Variants in MACROD1 observed in about 807,000 individuals in gnomAD.
MACROD1 encodes the protein mono-ADP ribosylhydrolase 1.
MACROD1 carries 31 observed loss-of-function variants against 41.4 expected under a neutral mutation model. The ratio of observed to expected loss-of-function variants is 0.75; its 90% CI spans 0.56 to 1.01. The LOEUF is 1.01. Among genes scored for constraint, MACROD1 ranks in the 50% least tolerant of loss-of-function variants. The pLI is 0.00. For missense variants in MACROD1, 473 were observed against 460.0 expected, an observed-to-expected ratio of 1.03 and a Z score of -0.26; for synonymous variants, 252 against 203.4, an observed-to-expected ratio of 1.24 and a Z score of -2.03.
chr11:64,157,719 G>A (rs796721377), intron 1 of MACROD1, among the ~76,000 whole-genome samples: 20 of 152,308 alleles, frequency 1.3e-4, no homozygotes, highest in African/African-American at 4.6e-4. Flanking sequence ...GTTTTAAGAA[G>A]TGTCTTTATG....
intron 3 of MACROD1, among the ~76,000 whole-genome samples, chr11:64,084,668 G>T (rs543284268): frequency 6.6e-6 from 1 of 152,360 alleles, no homozygotes; most frequent in East Asian, 1.9e-4. Context: ...TGATGGGCAG[G>T]TTGGGCAGGG....
intron 2 of MACROD1, 80 bp from the exon 3 acceptor site, chr11:64,151,435 C>A (rs904469559): frequency 1.9e-6 from 2 of 1,032,428 alleles, no homozygotes; most frequent in Non-Finnish European, 3.0e-6. Context: ...GGGGCCAGGG[C>A]CTTCCCTATC....
At chr11:64,137,280 G>A (rs1342978135) in intron 3 of MACROD1, among the ~76,000 whole-genome samples, 3 of 152,166 alleles carry the variant, frequency 2.0e-5, no homozygotes, top group Admixed American at 2.0e-4. Flanking sequence ...GGCAGCGGCG[G>A]GGGGGTCTCC....
At chr11:64,085,383 C>T (rs879722864) in intron 3 of MACROD1, among the ~76,000 whole-genome samples, 1 of 152,192 alleles carries the variant, frequency 6.6e-6, no homozygotes, top group Admixed American at 6.5e-5. Context: ...TCTCTGGGGG[C>T]GGCGGGCTGC....
intron 3 of MACROD1, among the ~76,000 whole-genome samples, chr11:64,016,823 G>A (rs1224610468): frequency 1.3e-5 from 2 of 152,236 alleles, no homozygotes; most frequent in Non-Finnish European, 2.9e-5. Context: ...GTGGGAGCAT[G>A]AGCCGAAGCC....
At chr11:64,140,178 T>C in intron 3 of MACROD1, among the ~76,000 whole-genome samples, 1 of 152,198 alleles carries the variant, frequency 6.6e-6, no homozygotes, top group East Asian at 1.9e-4. Flanking sequence ...ACAGGGCCAC[T>C]TCAGTCACCT....
At chr11:64,033,365 G>T (rs935733086) in intron 3 of MACROD1, among the ~76,000 whole-genome samples, 1 of 152,142 alleles carries the variant, frequency 6.6e-6, no homozygotes, top group Non-Finnish European at 1.5e-5. Flanking sequence ...GTGGAATATC[G>T]TGCAGCTGTT....
chr11:64,001,741 C>G (rs773020508), intron 4 of MACROD1: 5 of 702,200 alleles, frequency 7.1e-6, no homozygotes, highest in South Asian at 5.9e-5. Context: ...TAGCCCAGGG[C>G]GAGGCTGAGA....
At chr11:64,002,569 A>G (rs1002821807) in intron 4 of MACROD1, among the ~76,000 whole-genome samples, 4 of 152,084 alleles carry the variant, frequency 2.6e-5, no homozygotes, top group African/African-American at 9.7e-5. Context: ...TGCTACCCCA[A>G]CAAGCTAGAG....
intron 3 of MACROD1, among the ~76,000 whole-genome samples, chr11:64,022,132 T>TG (rs1406637215): frequency 6.7e-6 from 1 of 150,316 alleles, no homozygotes; most frequent in Non-Finnish European, 1.5e-5. Context: ...GAGCAGCCCC[T>TG]GGGGGGCCTT....
chr11:64,085,327 C>T (rs772182439), intron 3 of MACROD1, among the ~76,000 whole-genome samples: 6 of 152,194 alleles, frequency 3.9e-5, no homozygotes, highest in Non-Finnish European at 7.3e-5. Context: ...GCAAACAAGC[C>T]TCAGCGCCCG....
At chr11:64,139,489 G>A (rs1043430836) in intron 3 of MACROD1, among the ~76,000 whole-genome samples, 1 of 152,210 alleles carries the variant, frequency 6.6e-6, no homozygotes, top group African/African-American at 2.4e-5. Context: ...CGGAGACCCA[G>A]AGTCCATGGA....
intron 3 of MACROD1, among the ~76,000 whole-genome samples, chr11:64,075,904 CCTCAAGTGATCCACCCGCCTCGGCTT>C (rs1944191526): frequency 6.6e-6 from 1 of 152,234 alleles, no homozygotes; most frequent in Non-Finnish European, 1.5e-5. Context: ...AAACTCCTGA[CCTCAAGTGATCCACCCGCCTCGGCTT>C]CCCAAAGTGT....
chr11:64,116,213 T>C, intron 3 of MACROD1: 5 of 1,555,860 alleles, frequency 3.2e-6, no homozygotes, highest in Non-Finnish European at 4.3e-6. Context: ...CCTGTGCTCC[T>C]TGCAGGTATT....
chr11:64,165,609 G>A (rs1945828201), intron 1 of MACROD1, 88 bp downstream of exon 1: 13 of 1,197,166 alleles, frequency 1.1e-5, no homozygotes, highest in South Asian at 1.1e-4. Context: ...TCGGGTGGAA[G>A]GGGCTGCTCG....
chr11:64,040,903 C>T (rs985030120), intron 3 of MACROD1, among the ~76,000 whole-genome samples: 4 of 152,074 alleles, frequency 2.6e-5, no homozygotes, highest in Non-Finnish European at 5.9e-5. Flanking sequence ...AGGCATCCGA[C>T]GTCCGGCCAG....
chr11:64,142,097 G>C (rs1945421524), intron 3 of MACROD1, among the ~76,000 whole-genome samples: 1 of 152,172 alleles, frequency 6.6e-6, no homozygotes, highest in Non-Finnish European at 1.5e-5. Flanking sequence ...CTGTAAAATG[G>C]ATCAGCCCCT....
intron 3 of MACROD1, among the ~76,000 whole-genome samples, chr11:64,084,097 C>CTGTGTGTGCG (rs1481347441): frequency 6.6e-6 from 1 of 152,144 alleles, no homozygotes; most frequent in African/African-American, 2.4e-5. Context: ...GCACACGGGC[C>CTGTGTGTGCG]TGTGTGTGCA....
At chr11:64,026,470 T>C (rs1046040081) in intron 3 of MACROD1, among the ~76,000 whole-genome samples, 2 of 152,212 alleles carry the variant, frequency 1.3e-5, no homozygotes, top group African/African-American at 4.8e-5. Flanking sequence ...CATGCACACA[T>C]GCACCAGAAT....
Sources: allele counts gnomAD v4.1 joint callset (sites outside exome capture counted in the v4.1 genomes callset), GRCh38; gene constraint gnomAD v4.1.1; transcripts MANE v1.5; gene names NCBI Gene and HGNC (gene_info 2026-07-23, HGNC 2026-07-21).